The following PCDHGA6 variants were observed in gnomAD, a reference collection of about 807,000 sequenced individuals.
The protein encoded by PCDHGA6 is protocadherin gamma subfamily A, 6, also known as protocadherin gamma-A6.
A neutral mutation model predicts 60.6 loss-of-function variants in PCDHGA6; 41 were observed. The observed-to-expected ratio is 0.68, with a 90% CI of 0.53 to 0.88. The LOEUF is 0.88. Ranked by LOEUF, PCDHGA6 falls within the 40% of genes least tolerant of loss-of-function variation. PCDHGA6 has a pLI of 0.00. For synonymous variants in PCDHGA6, 594 were observed against 524.4 expected (o/e 1.13, Z -1.81); for missense variants, 1,312 against 1,203.0 (o/e 1.09, Z -1.34).
chr5:141,482,574 A>C (rs1294997781), intron 1 of PCDHGA6, among the ~76,000 whole-genome samples: 2 of 151,592 alleles, frequency 1.3e-5, no homozygotes, highest in Non-Finnish European at 2.9e-5. Context: ...GCATAGCATA[A>C]GATGCAGTGG....
At chr5:141,384,987 G>A (rs775895766) in intron 1 of PCDHGA6, 14 of 1,614,114 alleles carry the variant, frequency 8.7e-6, no homozygotes, top group Non-Finnish European at 1.1e-5. Flanking sequence ...TGGTGGTGGC[G>A]GTGGCCACAG....
At chr5:141,407,336 G>C (rs1005803062) in intron 1 of PCDHGA6, among the ~76,000 whole-genome samples, 1 of 152,124 alleles carries the variant, frequency 6.6e-6, no homozygotes, top group South Asian at 2.1e-4. Context: ...ATATTGAAAT[G>C]TATGTTAATT....
chr5:141,405,797 T>C (rs1589594153), intron 1 of PCDHGA6, among the ~76,000 whole-genome samples: 1 of 148,508 alleles, frequency 6.7e-6, no homozygotes, highest in Non-Finnish European at 1.5e-5. Flanking sequence ...CTATTATAGT[T>C]AGCTTTCTCT....
At chr5:141,404,524 G>GTTT in intron 1 of PCDHGA6, 7 of 1,613,938 alleles carry the variant, frequency 4.3e-6, no homozygotes, top group Non-Finnish European at 5.9e-6. Context: ...ACTATGAGCA[G>GTTT]TTTAGAGATT....
At chr5:141,464,137 C>T (rs1015442185) in intron 1 of PCDHGA6, among the ~76,000 whole-genome samples, 9 of 151,928 alleles carry the variant, frequency 5.9e-5, no homozygotes, top group Non-Finnish European at 7.4e-5. Context: ...TGGTGGTGGG[C>T]GCCTGTAGTC....
In PCDHGA6 at chr5:141,376,168, G is replaced by A. The variant is rs757765992; in HGVS notation, c.2085G>A (p.Val695=). 64 of 1,613,990 alleles carry A rather than the reference G, an allele frequency of 4.0e-5. No individual in the cohort carries two copies. Among genetic ancestry groups the A allele is most frequent in the East Asian group, 2.2e-4 (10 of 44,894 alleles). ...NDSDLTLYLV[V]AVAAVSCVFL... is the part of the protein sequence containing the mutation. ...CGGACCTCACTCTGTACCTGGTGGTGGCGGTGGCCGCGGTCTCCTGCGTCT... is the reference window on the plus strand; with the variant it reads ...CGGACCTCACTCTGTACCTGGTGGTAGCGGTGGCCGCGGTCTCCTGCGTCT... The change falls in exon 1 of 4, where the codon GTG becomes GTA. Residue 695 remains valine (V), a synonymous_variant. Coordinates refer to ENST00000517434, the MANE Select transcript of PCDHGA6 (RefSeq NM_018919.3).
intron 1 of PCDHGA6, chr5:141,395,547 TG>T (rs5871772): frequency 0.053 from 9,293 of 174,278 alleles, 481 homozygotes; most frequent in Middle Eastern, 0.08. Flanking sequence ...ATTGTTTGTG[TG>T]TGTGTGTGTG....
intron 1 of PCDHGA6, chr5:141,424,442 T>C (rs2096821583): frequency 6.6e-6 from 1 of 152,244 alleles, no homozygotes; most frequent in South Asian, 2.1e-4. Context: ...AATTGAATTA[T>C]TGAACTGGTA....
Position 141,485,098 on chromosome 5 carries a change from A to G in PCDHGA6, c.2425-9709A>G, listed in dbSNP as rs2099606903. ...CGGGGAAAGGGAGATAGGTGTCTCCAGCTGCTGTGGCTGTTTGGGGCGGGT... is the reference window on the plus strand; with the variant it reads ...CGGGGAAAGGGAGATAGGTGTCTCCGGCTGCTGTGGCTGTTTGGGGCGGGT... On this transcript the variant is annotated intron_variant, in intron 1 of 3. Transcript: ENST00000517434. This position sits in a 1 kb window ranked among gnomAD's most constrained non-coding sequence, Gnocchi z 5.7. 8.8e-7 allele frequency: 1 copy of G among 1,134,792 alleles called. No individual in the cohort carries two copies. Among genetic ancestry groups the G allele is most frequent in the South Asian group, 1.4e-5 (1 of 71,796 alleles). The allele number at this position is 1,134,792 out of a possible 1,614,324, so 70.3% of individuals were successfully genotyped here. A position where few individuals can be genotyped will look rare whatever the true frequency, so the allele number is the denominator to read the frequency against.
chr5:141,390,478 ATTTG>A (rs2092157792), intron 1 of PCDHGA6: 1 of 678,524 alleles, frequency 1.5e-6, no homozygotes, highest in Admixed American at 3.1e-5. Flanking sequence ...GTGGCCCAAC[ATTTG>A]TTTGTTTTTT....
At position 141,405,317 on chromosome 5, in the gene PCDHGA6, G is replaced by A. The variant is rs1443108777; in HGVS notation, c.2424+28810G>A. ...CAGCCAGCAGAGCTGTGAGAAAAAT[G>A]AGCCTTTGTGCGTCTCTGTTGATTC... On this transcript the variant is annotated intron_variant, in intron 1 of 3. Coordinates refer to ENST00000517434, the MANE Select transcript of PCDHGA6 (RefSeq NM_018919.3). 2.5e-6 allele frequency: 4 copies of A among 1,614,080 alleles called. No individual in the cohort carries two copies. The African/African-American group carries it at 5.3e-5, about 22-fold the overall frequency.
intron 1 of PCDHGA6, among the ~76,000 whole-genome samples, chr5:141,401,154 C>A (rs753624238): frequency 6.6e-5 from 10 of 152,086 alleles, no homozygotes; most frequent in Non-Finnish European, 1.5e-4. Context: ...CCAGCCTGGG[C>A]AATATGGTGA....
At chr5:141,442,947 C>T (rs185574624) in intron 1 of PCDHGA6, among the ~76,000 whole-genome samples, 92 of 152,282 alleles carry the variant, frequency 6.0e-4, no homozygotes, top group African/African-American at 1.7e-3. Flanking sequence ...AACTTCCTCT[C>T]ACTGCAAAAA....
At chr5:141,382,013 G>C (rs1000379234) in intron 1 of PCDHGA6, among the ~76,000 whole-genome samples, 1 of 151,580 alleles carries the variant, frequency 6.6e-6, no homozygotes, top group Admixed American at 6.6e-5. Flanking sequence ...ATTTTTAGTA[G>C]AGACGGGGTT....
chr5:141,412,357 T>A (rs756056496), intron 1 of PCDHGA6: 17 of 152,366 alleles, frequency 1.1e-4, no homozygotes, highest in Middle Eastern at 3.4e-3. Context: ...TAGTTTGTGA[T>A]TACCTGCTTA....
intron 1 of PCDHGA6, among the ~76,000 whole-genome samples, chr5:141,437,990 C>G (rs1298325497): frequency 1.3e-5 from 2 of 152,148 alleles, no homozygotes; most frequent in Non-Finnish European, 2.9e-5. Flanking sequence ...CCCACCCCAC[C>G]TCAGCCTCCC....
At chr5:141,415,275 G>T in intron 1 of PCDHGA6, 5 of 1,614,212 alleles carry the variant, frequency 3.1e-6, no homozygotes, top group Non-Finnish European at 4.2e-6. Flanking sequence ...TGGTGGTAGC[G>T]GTGGCCGCGG....
At position 141,494,788 on chromosome 5, in the gene PCDHGA6, C is replaced by T. The variant is rs2099756942; in HGVS notation, c.2425-19C>T. The T allele has an allele frequency of 6.2e-7, 1 of 1,614,116 alleles. No homozygotes were observed. The highest frequency in any genetic ancestry group is 8.5e-7 in the Non-Finnish European group (1 of 1,180,000). On this transcript the variant is annotated intron_variant, in intron 1 of 3. Transcript: ENST00000517434. ...CTTCTCACGGGTACTCAGCCCCTTTCCCTCTGTTTTCTCCACAGCAAGCCC... is the reference window on the plus strand; with the variant it reads ...CTTCTCACGGGTACTCAGCCCCTTTTCCTCTGTTTTCTCCACAGCAAGCCC...
At position 141,444,152 on chromosome 5, in the gene PCDHGA6, A is replaced by ATTTTTTTTTTT. The variant is rs747671382; in HGVS notation, c.2425-50629_2425-50619dup. 8.9e-5 allele frequency among the ~76,000 whole-genome samples: 3 copies of ATTTTTTTTTTT among 33,898 alleles called. 1 individual carries two copies. Among genetic ancestry groups the ATTTTTTTTTTT allele is most frequent in the African/African-American group, 4.2e-4 (3 of 7,184 alleles). 22.2% of individuals were successfully genotyped at this position (33,898 alleles called of 152,430 possible). On this transcript the variant is annotated intron_variant, in intron 1 of 3. Transcript: ENST00000517434. Reference sequence around the variant, plus strand: ...GATATGTGTCACTTGTGTGTACTGGATTTTTTTTTTTTTTTTTTTTTTTTT... The same window carrying ATTTTTTTTTTT: ...GATATGTGTCACTTGTGTGTACTGGATTTTTTTTTTTTTTTTTTTTTTTTTTTTTTTTTTTT...
Sources: gnomAD v4.1 joint callset for allele counts (sites outside exome capture counted in the v4.1 genomes callset) on GRCh38, gnomAD v4.1.1 for gene constraint, Gnocchi (gnomAD v3.1) non-coding constraint, MANE v1.5 for transcripts, NCBI Gene and HGNC (gene_info 2026-07-23, HGNC 2026-07-21) for gene names.